The following PRKCE variants were observed in gnomAD, a reference collection of about 807,000 sequenced individuals.
PRKCE encodes protein kinase C epsilon type.
In PRKCE, 16 loss-of-function variants were observed where a neutral mutation model predicts 85.4. The ratio of observed to expected loss-of-function variants is 0.19; its 90% confidence interval spans 0.13 to 0.28. PRKCE has a LOEUF of 0.28. Ranked by LOEUF, PRKCE falls within the 10% of genes least tolerant of loss-of-function variation. The pLI is 1.00. For missense variants in PRKCE, 573 were observed against 975.2 expected (o/e 0.59, Z 5.49); for synonymous variants, 388 against 371.5 (o/e 1.04, Z -0.51).
In PRKCE at chr2:46,073,350, C is replaced by G. The variant is rs568473767; in HGVS notation, c.1438-12858C>G. The G allele has an allele frequency of 2.0e-5, 3 of 152,330 alleles. No individual in the cohort carries two copies. The South Asian group carries it at 6.2e-4, about 32-fold the overall frequency. 9.4% of individuals were successfully genotyped at this position (152,330 alleles called of 1,614,324 possible). A position where few individuals can be genotyped will look rare whatever the true frequency, so the allele number is the denominator to read the frequency against. Reference sequence around the variant, plus strand: ...TTTGACCCTTTGCAGTGACACAGACCAAATCTCCTTCCAATGTGGAAATCC... The same window carrying G: ...TTTGACCCTTTGCAGTGACACAGACGAAATCTCCTTCCAATGTGGAAATCC... On this transcript the variant is annotated intron_variant, in intron 10 of 14. Transcript: ENST00000306156.
intron 1 of PRKCE, among the ~76,000 whole-genome samples, chr2:45,823,758 C>A (rs536654713): frequency 6.6e-6 from 1 of 152,360 alleles, no homozygotes; most frequent in South Asian, 2.1e-4. Flanking sequence ...CAGGTTGTTC[C>A]CTGGGCCCAG....
intron 14 of PRKCE, among the ~76,000 whole-genome samples, chr2:46,179,167 A>G (rs574187459): frequency 6.6e-6 from 1 of 152,304 alleles, no homozygotes; most frequent in African/African-American, 2.4e-5. Flanking sequence ...CTGTAAGATC[A>G]GGGAGTTTTC....
chr2:46,120,026 T>C (rs757680757), intron 11 of PRKCE, among the ~76,000 whole-genome samples: 2 of 152,206 alleles, frequency 1.3e-5, no homozygotes, highest in Non-Finnish European at 2.9e-5. Context: ...TGTTAAGCCC[T>C]GGGGCTCCTT....
At chr2:45,938,566 C>T (rs1406508409) in intron 2 of PRKCE, among the ~76,000 whole-genome samples, 1 of 152,148 alleles carries the variant, frequency 6.6e-6, no homozygotes, top group Admixed American at 6.5e-5. Context: ...TCAAGCCTTG[C>T]AGCAGCTATT....
chr2:46,125,037 G>T (rs997731530), intron 11 of PRKCE, among the ~76,000 whole-genome samples: 2 of 152,148 alleles, frequency 1.3e-5, no homozygotes, highest in Non-Finnish European at 2.9e-5. Flanking sequence ...GCCACTGATT[G>T]CCCAGTACTT....
At chr2:46,112,069 C>G (rs1176025539) in intron 11 of PRKCE, among the ~76,000 whole-genome samples, 1 of 152,074 alleles carries the variant, frequency 6.6e-6, no homozygotes, top group Non-Finnish European at 1.5e-5. Flanking sequence ...GTTTTGACAC[C>G]CTGTTGTTAG....
In PRKCE at chr2:46,175,904, G is replaced by A. The variant is rs552903414; in HGVS notation, c.2068-8831G>A. 8.5e-5 allele frequency among the ~76,000 whole-genome samples: 13 copies of A among 152,090 alleles called. No individual in the cohort carries two copies. In the South Asian group the frequency reaches 1.5e-3, roughly 17 times the overall value. ...AGGCCTTTTGAAATTGTTAAAAGAA[G>A]AAAGAAAGAGACCCACGGCCTTTAT... On this transcript the variant is annotated intron_variant, in intron 14 of 14. Coordinates refer to ENST00000306156, the MANE Select transcript of PRKCE (RefSeq NM_005400.3).
intron 10 of PRKCE, among the ~76,000 whole-genome samples, chr2:46,053,327 G>A (rs1253185192): frequency 5.9e-5 from 9 of 152,092 alleles, no homozygotes; most frequent in African/African-American, 1.9e-4. Flanking sequence ...ACTCCCCCCC[G>A]ATTATTTATT....
intron 10 of PRKCE, among the ~76,000 whole-genome samples, chr2:46,029,146 T>G (rs1187354832): frequency 2.6e-5 from 4 of 152,216 alleles, no homozygotes; most frequent in African/African-American, 9.7e-5. Flanking sequence ...CCTGTCATTT[T>G]TTAAAGCTCT....
chr2:46,171,478 A>G (rs1678888839), intron 14 of PRKCE, among the ~76,000 whole-genome samples: 1 of 152,228 alleles, frequency 6.6e-6, no homozygotes, highest in African/African-American at 2.4e-5. Context: ...CTTTGTGCAG[A>G]TGGCTGCATT....
At chr2:46,015,247 A>C (rs1706026077) in intron 10 of PRKCE, among the ~76,000 whole-genome samples, 14 of 152,090 alleles carry the variant, frequency 9.2e-5, no homozygotes, top group Admixed American at 9.2e-4. Context: ...TGGAAGTTAC[A>C]GGAAATGAAA....
intron 2 of PRKCE, among the ~76,000 whole-genome samples, chr2:45,918,237 C>T (rs566493767): frequency 6.6e-6 from 1 of 152,112 alleles, no homozygotes; most frequent in African/African-American, 2.4e-5. Flanking sequence ...TGTCACCTCT[C>T]GCTACTGCAG....
intron 10 of PRKCE, among the ~76,000 whole-genome samples, chr2:46,018,053 A>G (rs75982293): frequency 0.06 from 9,088 of 152,294 alleles, 366 homozygotes; most frequent in Middle Eastern, 0.13. Context: ...TTTTACATGA[A>G]CTCAATGAGG....
chr2:45,828,087 C>T (rs1454419756), intron 1 of PRKCE, among the ~76,000 whole-genome samples: 1 of 152,184 alleles, frequency 6.6e-6, no homozygotes, highest in Non-Finnish European at 1.5e-5. Flanking sequence ...TTTGCCCATT[C>T]CTGATCAATG....
chr2:45,935,009 C>T (rs1311502230), intron 2 of PRKCE, among the ~76,000 whole-genome samples: 2 of 151,756 alleles, frequency 1.3e-5, no homozygotes, highest in Admixed American at 1.3e-4. Context: ...TGCAGTGAGC[C>T]ATGATCATAC....
intron 2 of PRKCE, among the ~76,000 whole-genome samples, chr2:45,899,424 A>G (rs181969380): frequency 9.9e-4 from 148 of 149,198 alleles, no homozygotes; most frequent in African/African-American, 3.5e-3. Context: ...TCTGTTGCCC[A>G]GGCTAGAGTG....
In PRKCE at chr2:45,920,860, C is replaced by T. The variant is rs1435518732; in HGVS notation, c.413-55569C>T. On this transcript the variant is annotated intron_variant, in intron 2 of 14. Transcript: ENST00000306156. ...TAAAACAATTGAGTTGTACACTTTA[C>T]ATGGGTGAATTTATGGTGTGGGATT... is the stretch of plus-strand genomic sequence containing the variant. Among the ~76,000 whole-genome samples the T allele has an allele frequency of 2.0e-5, 3 of 152,194 alleles. No homozygotes were observed. In the East Asian group the frequency reaches 5.8e-4, roughly 29 times the overall value.
intron 1 of PRKCE, among the ~76,000 whole-genome samples, chr2:45,798,690 A>C (rs925088738): frequency 2.0e-5 from 3 of 150,906 alleles, no homozygotes; most frequent in Non-Finnish European, 2.9e-5. Flanking sequence ...ATCAGTAATT[A>C]TTTCCTAAGT....
chr2:46,095,543 A>G (rs954460176), intron 11 of PRKCE, among the ~76,000 whole-genome samples: 14 of 152,228 alleles, frequency 9.2e-5, no homozygotes, highest in African/African-American at 3.4e-4. Flanking sequence ...CTCGCTCCAC[A>G]TCACCCTCAT....
Sources: gnomAD v4.1 joint callset for allele counts (sites outside exome capture counted in the v4.1 genomes callset) on GRCh38, gnomAD v4.1.1 for gene constraint, MANE v1.5 for transcripts, NCBI Gene and HGNC (gene_info 2026-07-23, HGNC 2026-07-21) for gene names.